ADAM28: variants seen among roughly 807,000 people sequenced by gnomAD.
ADAM28 encodes disintegrin and metalloproteinase domain-containing protein 28.
In ADAM28, 105 loss-of-function variants were observed where a neutral mutation model predicts 101.2. The observed-to-expected ratio is 1.04, with a 90% CI of 0.89 to 1.22. The LOEUF is 1.22. Among genes scored for constraint, ADAM28 ranks in the 50% most tolerant of loss-of-function variants. The pLI, the probability that ADAM28 is intolerant of heterozygous loss-of-function variation, is 0.00. For missense variants in ADAM28, 1,028 were observed against 945.4 expected (o/e 1.09, Z -1.15); for synonymous variants, 322 against 310.6 (o/e 1.04, Z -0.39).
chr8:24,328,406 T>G (rs1464827984), intron 10 of ADAM28, among the ~76,000 whole-genome samples: 1 of 151,890 alleles, frequency 6.6e-6, no homozygotes, highest in African/African-American at 2.4e-5. Context: ...ATTAACATAT[T>G]TTTTAGTTAC....
Position 24,354,552 on chromosome 8 carries a change from G to T in ADAM28, c.*148G>T. 2 of 932,410 alleles carry T rather than the reference G, an allele frequency of 2.1e-6. No homozygotes were observed. The highest frequency in any genetic ancestry group is 3.2e-5 in the East Asian group (1 of 31,384). The allele number at this position is 932,410 out of a possible 1,614,324, so 57.8% of individuals were successfully genotyped here. ...TTTCTGATTCATGTTAGACTTTGAAGAGACTAAAGAAAATTTTCAAGAGGA... is the reference window on the plus strand; with the variant it reads ...TTTCTGATTCATGTTAGACTTTGAATAGACTAAAGAAAATTTTCAAGAGGA... On this transcript the variant is annotated 3_prime_UTR_variant, in exon 23 of 23. Transcript: ENST00000265769.
intron 14 of ADAM28, among the ~76,000 whole-genome samples, chr8:24,338,036 G>A (rs12234971): frequency 0.18 from 26,770 of 152,046 alleles, 2,486 homozygotes; most frequent in East Asian, 0.35. Context: ...AACTCCCTTC[G>A]TACACTGCTG....
At position 24,358,846 on chromosome 8, in the gene ADAM28, G is replaced by A. The variant is rs1446410666; in HGVS notation, c.*4442G>A. ...TTTATCTCCTTCACCTCATATTAAA[G>A]TCCATACTCTTGGGATATATCTGAC... On this transcript the variant is annotated 3_prime_UTR_variant, in exon 23 of 23. Coordinates refer to ENST00000265769, the MANE Select transcript of ADAM28 (RefSeq NM_014265.6). 1 of 152,112 alleles carries A rather than the reference G, an allele frequency of 6.6e-6. No homozygotes were observed. The highest frequency in any genetic ancestry group is 1.5e-5 in the Non-Finnish European group (1 of 68,026). The allele number at this position is 152,112 out of a possible 1,614,324, so 9.4% of individuals were successfully genotyped here.
At chr8:24,305,732 T>G (rs1224221904) in intron 2 of ADAM28, among the ~76,000 whole-genome samples, 1 of 152,204 alleles carries the variant, frequency 6.6e-6, no homozygotes, top group African/African-American at 2.4e-5. Flanking sequence ...TTTCATCTAT[T>G]ACATTTCCAA....
intron 9 of ADAM28, chr8:24,325,127 A>C (rs1812367276): frequency 6.6e-6 from 1 of 151,848 alleles, no homozygotes. Flanking sequence ...TTTGTGGAGG[A>C]GTTTAGTGGT....
At chr8:24,308,142 G>C (rs1809951235) in intron 2 of ADAM28, among the ~76,000 whole-genome samples, 1 of 152,140 alleles carries the variant, frequency 6.6e-6, no homozygotes, top group Admixed American at 6.6e-5. Flanking sequence ...GTCTTACTCA[G>C]TAAAACCAAA....
At chr8:24,350,956 AAAC>A (rs1050592265) in intron 19 of ADAM28, among the ~76,000 whole-genome samples, 16 of 152,088 alleles carry the variant, frequency 1.1e-4, no homozygotes, top group African/African-American at 2.9e-4. Flanking sequence ...GACATTAATA[AAAC>A]AACATAATTT....
At chr8:24,337,864 G>T (rs1814283592) in intron 14 of ADAM28, among the ~76,000 whole-genome samples, 1 of 152,170 alleles carries the variant, frequency 6.6e-6, no homozygotes, top group African/African-American at 2.4e-5. Flanking sequence ...CAGGCAATTT[G>T]TCATAAAGAA....
chr8:24,345,123 GAATT>G (rs1340512730), intron 18 of ADAM28, among the ~76,000 whole-genome samples: 5 of 150,636 alleles, frequency 3.3e-5, no homozygotes, highest in Admixed American at 6.6e-5. Context: ...AATGCTTTTA[GAATT>G]AATTACTTAA....
chr8:24,336,264 A>G (rs1814035466), intron 14 of ADAM28: 2 of 750,748 alleles, frequency 2.7e-6, no homozygotes, highest in Non-Finnish European at 3.2e-6. Context: ...AGATATCCGA[A>G]AATTTAAACA....
chr8:24,333,843 C>T (rs141884532), intron 13 of ADAM28, among the ~76,000 whole-genome samples: 2 of 152,126 alleles, frequency 1.3e-5, no homozygotes, highest in African/African-American at 4.8e-5. Context: ...TGTTGCATAT[C>T]GTTCTATATT....
At chr8:24,351,892 C>T (rs1816200605) in intron 20 of ADAM28, 95 bp from the exon 21 acceptor site, 5 of 1,248,982 alleles carry the variant, frequency 4.0e-6, no homozygotes, top group South Asian at 3.8e-5. Flanking sequence ...TAGTTCCAAG[C>T]TTCCATGCCT....
chr8:24,342,025 G>T (rs1197820998), intron 16 of ADAM28, among the ~76,000 whole-genome samples: 1 of 152,188 alleles, frequency 6.6e-6, no homozygotes, highest in East Asian at 1.9e-4. Flanking sequence ...ATTATTTCAA[G>T]AAGAGTATCA....
intron 2 of ADAM28, 35 bp downstream of exon 2, chr8:24,300,112 G>C (rs1290534998): frequency 6.5e-7 from 1 of 1,529,564 alleles, no homozygotes; most frequent in African/African-American, 1.4e-5. Flanking sequence ...ATCTTGATTT[G>C]AGATACATAT....
At chr8:24,308,486 C>T (rs1431977169) in intron 2 of ADAM28, among the ~76,000 whole-genome samples, 1 of 152,190 alleles carries the variant, frequency 6.6e-6, no homozygotes, top group Non-Finnish European at 1.5e-5. Flanking sequence ...CATTGCTGAA[C>T]AGGAAGCAGA....
In ADAM28 at chr8:24,354,487, A is replaced by C. The variant is rs201304235; in HGVS notation, c.*83A>C. 1.2e-6 allele frequency: 1 copy of C among 815,022 alleles called. No homozygotes were observed. The highest frequency in any genetic ancestry group is 1.8e-6 in the Non-Finnish European group (1 of 560,676). The allele number at this position is 815,022 out of a possible 1,614,324, so 50.5% of individuals were successfully genotyped here. ...TGGATGGCAGAGAAATATACTATCT[A>C]TCTCACCAGTATTTGCTCTCGACTC... On this transcript the variant is annotated 3_prime_UTR_variant, in exon 23 of 23. Coordinates refer to ENST00000265769, the MANE Select transcript of ADAM28 (RefSeq NM_014265.6).
chr8:24,301,335 T>C (rs1293583462), intron 2 of ADAM28, among the ~76,000 whole-genome samples: 1 of 152,206 alleles, frequency 6.6e-6, no homozygotes, highest in African/African-American at 2.4e-5. Flanking sequence ...AGACTTTCTT[T>C]AAAATGTCAG....
chr8:24,317,429 G>A (rs373833707), intron 6 of ADAM28, among the ~76,000 whole-genome samples: 1 of 151,956 alleles, frequency 6.6e-6, no homozygotes, highest in Non-Finnish European at 1.5e-5. Context: ...AAGACACACT[G>A]GGGAAAGGAT....
rs1563329094 is a variant in ADAM28, at chr8:24,349,909, T to C, written c.2036T>C (p.Phe679Ser). Residue 679 changes from phenylalanine (F) to serine (S), a missense_variant, in exon 19 of 23, where the codon TTT becomes TCT. Transcript: ENST00000265769. The stretch of plus-strand genomic sequence containing the variant: ...GTGCTGTTCCCAATGGCGGTCATTT[T>C]TGTGGTGGTTGCTATGGTAATCCGG... ...VGVLFPMAVI[F>S]VVVAMVIRHQ... 4 of 1,613,620 alleles carry C rather than the reference T, an allele frequency of 2.5e-6. No homozygotes were observed. The African/African-American group carries it at 4.0e-5, about 16-fold the overall frequency.
Sources: allele counts gnomAD v4.1 joint callset (sites outside exome capture counted in the v4.1 genomes callset), GRCh38; gene constraint gnomAD v4.1.1; transcripts MANE v1.5; gene names NCBI Gene and HGNC (gene_info 2026-07-23, HGNC 2026-07-21).